AGMO: variants seen among roughly 807,000 people sequenced by gnomAD.
The protein encoded by AGMO is alkylglycerol monooxygenase.
In AGMO, 75 loss-of-function variants were observed where a neutral mutation model predicts 60.2. The observed-to-expected ratio is 1.25, with a 90% confidence interval of 1.03 to 1.51. The LOEUF (loss-of-function observed/expected upper bound fraction) is 1.51, where lower values mean the gene tolerates loss of function less well. Ranked by LOEUF, AGMO falls within the 40% of genes most tolerant of loss-of-function variation. AGMO has a pLI of 0.00. For synonymous variants in AGMO, 261 were observed against 177.1 expected, an observed-to-expected ratio of 1.47 and a Z score of -3.76; for missense variants, 763 against 525.5, an observed-to-expected ratio of 1.45 and a Z score of -4.42.
chr7:15,206,834 G>A (rs1269486551), intron 12 of AGMO, among the ~76,000 whole-genome samples: 5 of 152,062 alleles, frequency 3.3e-5, no homozygotes, highest in Admixed American at 6.5e-5. Flanking sequence ...AGTTTTCACT[G>A]CTCCAGCTGA....
chr7:15,370,479 C>T (rs1440388824), intron 10 of AGMO, among the ~76,000 whole-genome samples: 1 of 152,202 alleles, frequency 6.6e-6, no homozygotes, highest in Non-Finnish European at 1.5e-5. Flanking sequence ...CTGCTTTCCA[C>T]AGTGGCTGAA....
chr7:15,549,377 G>A (rs1259667895), intron 2 of AGMO, among the ~76,000 whole-genome samples: 1 of 152,030 alleles, frequency 6.6e-6, no homozygotes, highest in Admixed American at 6.6e-5. Context: ...CTGGCAAATT[G>A]GATAAAGAGT....
At chr7:15,172,649 C>T in the AGMO span, among the ~76,000 whole-genome samples, 6 of 152,082 alleles carry the variant, frequency 3.9e-5, no homozygotes, top group Non-Finnish European at 8.8e-5. Context: ...GTTCCTCAAA[C>T]TCCAGTCCCA....
chr7:15,551,016 C>T (rs867102387), intron 2 of AGMO, among the ~76,000 whole-genome samples: 72 of 144,966 alleles, frequency 5.0e-4, no homozygotes, highest in East Asian at 2.0e-3. Context: ...GTTCAATATA[C>T]GCAAATCAAT....
chr7:15,395,717 T>C (rs988128031), intron 5 of AGMO, among the ~76,000 whole-genome samples: 2 of 152,234 alleles, frequency 1.3e-5, no homozygotes, highest in Admixed American at 6.5e-5. Context: ...TTGAAAAAGT[T>C]TGTTAAAAAT....
At chr7:15,249,085 A>G (rs944920331) in intron 12 of AGMO, among the ~76,000 whole-genome samples, 3 of 152,194 alleles carry the variant, frequency 2.0e-5, no homozygotes, top group Admixed American at 6.5e-5. Flanking sequence ...TAGGATGAGC[A>G]TTAGGTGCCA....
chr7:15,528,323 CAA>C (rs572780701), intron 3 of AGMO, among the ~76,000 whole-genome samples: 19 of 151,546 alleles, frequency 1.3e-4, no homozygotes, highest in Admixed American at 1.3e-4. Context: ...CTCTAGGAAA[CAA>C]AAAAAATTGG....
intron 12 of AGMO, among the ~76,000 whole-genome samples, chr7:15,270,322 T>C (rs1783558059): frequency 1.3e-5 from 2 of 152,062 alleles, no homozygotes; most frequent in African/African-American, 2.4e-5. Flanking sequence ...ACATTCTGAA[T>C]GGTATGAGAT....
intron 3 of AGMO, among the ~76,000 whole-genome samples, chr7:15,475,949 T>C (rs1782583857): frequency 6.6e-6 from 1 of 152,066 alleles, no homozygotes; most frequent in African/African-American, 2.4e-5. Context: ...AGGGTAGAAA[T>C]GCTTCCAAAT....
At chr7:15,188,936 G>A in the AGMO span, among the ~76,000 whole-genome samples, 3 of 152,132 alleles carry the variant, frequency 2.0e-5, no homozygotes. Context: ...AGAATCGGAG[G>A]AGATAAATTA....
At chr7:15,132,307 G>A in the AGMO span, among the ~76,000 whole-genome samples, 1 of 152,084 alleles carries the variant, frequency 6.6e-6, no homozygotes, top group Non-Finnish European at 1.5e-5. Flanking sequence ...TCTCAGAGTT[G>A]GGATTCAGTT....
At chr7:15,270,188 A>C (rs560329913) in intron 12 of AGMO, among the ~76,000 whole-genome samples, 1 of 152,032 alleles carries the variant, frequency 6.6e-6, no homozygotes, top group Non-Finnish European at 1.5e-5. Context: ...AAATCTCCAC[A>C]CTGTTTTTCA....
chr7:15,266,176 T>A (rs926980456), intron 12 of AGMO, among the ~76,000 whole-genome samples: 1 of 152,002 alleles, frequency 6.6e-6, no homozygotes, highest in African/African-American at 2.4e-5. Context: ...TTTTGTTTAA[T>A]AGGTATTGTT....
chr7:15,233,910 G>A (rs1252567586), intron 12 of AGMO, among the ~76,000 whole-genome samples: 1 of 152,056 alleles, frequency 6.6e-6, no homozygotes, highest in Non-Finnish European at 1.5e-5. Context: ...AGCTGGGCGT[G>A]GTGGTGCGCC....
chr7:15,487,067 G>A (rs904384406), intron 3 of AGMO, among the ~76,000 whole-genome samples: 3 of 152,094 alleles, frequency 2.0e-5, no homozygotes, highest in Non-Finnish European at 4.4e-5. Flanking sequence ...TTAGTAAAAA[G>A]ACATTAAATT....
chr7:15,152,282 T>C, the AGMO span, among the ~76,000 whole-genome samples: 2 of 152,148 alleles, frequency 1.3e-5, no homozygotes, highest in Non-Finnish European at 2.9e-5. Context: ...AATTCATGAA[T>C]TGGGCAGCAT....
intron 12 of AGMO, among the ~76,000 whole-genome samples, chr7:15,354,301 T>TAC (rs1782367020): frequency 1.1e-5 from 1 of 92,418 alleles, no homozygotes. Context: ...TAAATATATA[T>TAC]ACGTGTATAC....
At chr7:15,244,645 G>A (rs1782688163) in intron 12 of AGMO, among the ~76,000 whole-genome samples, 1 of 151,568 alleles carries the variant, frequency 6.6e-6, no homozygotes. Flanking sequence ...TTTTTTGTTT[G>A]TTTGTTTGTT....
chr7:15,504,302 G>A (rs1783456064), intron 3 of AGMO, among the ~76,000 whole-genome samples: 1 of 151,882 alleles, frequency 6.6e-6, no homozygotes, highest in Non-Finnish European at 1.5e-5. Context: ...AAAGATAAAT[G>A]TGAGGAGGGA....
Sources: allele counts gnomAD v4.1 joint callset (sites outside exome capture counted in the v4.1 genomes callset), GRCh38; gene constraint gnomAD v4.1.1; transcripts MANE v1.5; gene names NCBI Gene and HGNC (gene_info 2026-07-23, HGNC 2026-07-21).